The following NCEH1 variants were observed in gnomAD, a reference collection of about 807,000 sequenced individuals.
NCEH1 encodes the protein 2-acetyl MAGE hydrolase.
Under a neutral mutation model 25.4 loss-of-function variants are expected in NCEH1, and 9 were observed. That is an observed-to-expected ratio of 0.35 (90% confidence interval 0.21 to 0.62). The LOEUF (loss-of-function observed/expected upper bound fraction) is 0.62, where lower values mean the gene tolerates loss of function less well. NCEH1 is among the 20% of genes least tolerant of loss of function. The probability of loss-of-function intolerance (pLI) is 0.72; values close to 1 mark genes in which losing one functional copy is unlikely to be tolerated. For synonymous variants in NCEH1, 200 were observed against 199.8 expected (o/e 1.00, Z -0.01); for missense variants, 412 against 501.1 (o/e 0.82, Z 1.70).
intron 1 of NCEH1, among the ~76,000 whole-genome samples, chr3:172,709,835 A>G (rs1240012672): frequency 1.3e-5 from 2 of 152,172 alleles, no homozygotes; most frequent in African/African-American, 2.4e-5. Flanking sequence ...TTATAAAAAT[A>G]TTCTGAGATT....
chr3:172,667,394 G>A lies in NCEH1; in HGVS notation c.139-19280C>T, dbSNP rs117823201. Among the ~76,000 whole-genome samples, 376 of 152,334 alleles carry A rather than the reference G, an allele frequency of 2.5e-3. 4 individuals carry two copies. In the East Asian group the frequency reaches 0.039, roughly 16 times the overall value. On this transcript the variant is annotated intron_variant, in intron 1 of 4. Coordinates refer to ENST00000475381, the MANE Select transcript of NCEH1 (RefSeq NM_020792.6). ...CATTAAAGGAGCCTTGCTCAAAGAC[G>A]ACACAGTCTCTCTGGAGATACGTTT... is the stretch of plus-strand genomic sequence containing the variant.
intron 1 of NCEH1, among the ~76,000 whole-genome samples, chr3:172,670,365 A>C (rs1711539372): frequency 6.6e-6 from 1 of 152,264 alleles, no homozygotes; most frequent in South Asian, 2.1e-4. Flanking sequence ...AAGTTACTAC[A>C]GCGTTTATAC....
At chr3:172,666,412 C>T (rs1718210903) in intron 1 of NCEH1, among the ~76,000 whole-genome samples, 2 of 152,138 alleles carry the variant, frequency 1.3e-5, no homozygotes, top group South Asian at 4.1e-4. Flanking sequence ...CCAGACACTG[C>T]CCCCTGCAGC....
intron 1 of NCEH1, among the ~76,000 whole-genome samples, chr3:172,691,905 C>T: frequency 1.3e-4 from 1 of 7,716 alleles, no homozygotes. Context: ...CGAGATCGTG[C>T]CACTGCACTC....
At chr3:172,642,145 C>T (rs927223667) in intron 3 of NCEH1, among the ~76,000 whole-genome samples, 3 of 151,942 alleles carry the variant, frequency 2.0e-5, no homozygotes, top group Middle Eastern at 3.2e-3. Context: ...ACTGAGATCC[C>T]GCTCTGAACT....
chr3:172,685,447 C>A (rs1291440253), intron 1 of NCEH1, among the ~76,000 whole-genome samples: 1 of 152,144 alleles, frequency 6.6e-6, no homozygotes, highest in Admixed American at 6.5e-5. Flanking sequence ...CAAATGAAGT[C>A]GTATAATTTT....
intron 1 of NCEH1, among the ~76,000 whole-genome samples, chr3:172,703,605 C>T (rs1713823593): frequency 6.8e-6 from 1 of 147,164 alleles, no homozygotes; most frequent in African/African-American, 2.5e-5. Flanking sequence ...ATAAAAAGAA[C>T]ATTTAAGAAT....
At chr3:172,654,157 T>C (rs1034299259) in intron 1 of NCEH1, among the ~76,000 whole-genome samples, 2 of 152,190 alleles carry the variant, frequency 1.3e-5, no homozygotes, top group African/African-American at 4.8e-5. Flanking sequence ...AAAGGAGGCA[T>C]GCGCAGCACA....
At chr3:172,688,054 GCCGTGCACAGTGGC>G (rs1261960993) in intron 1 of NCEH1, among the ~76,000 whole-genome samples, 1 of 149,882 alleles carries the variant, frequency 6.7e-6, no homozygotes, top group Non-Finnish European at 1.5e-5. Flanking sequence ...GGACATGGAG[GCCGTGCACAGTGGC>G]TCACGCCTGT....
intron 1 of NCEH1, among the ~76,000 whole-genome samples, chr3:172,683,690 A>G (rs749447207): frequency 6.6e-6 from 1 of 152,174 alleles, no homozygotes; most frequent in African/African-American, 2.4e-5. Context: ...AAAACAAAAT[A>G]AAGTAGTTAA....
chr3:172,662,397 G>C (rs537919021), intron 1 of NCEH1, among the ~76,000 whole-genome samples: 2 of 152,142 alleles, frequency 1.3e-5, no homozygotes, highest in African/African-American at 4.8e-5. Flanking sequence ...TTTTTGCATC[G>C]ATGTTCATCA....
At chr3:172,679,103 A>G (rs1712196168) in intron 1 of NCEH1, among the ~76,000 whole-genome samples, 1 of 152,222 alleles carries the variant, frequency 6.6e-6, no homozygotes, top group Admixed American at 6.5e-5. Flanking sequence ...ACTTTTAAAA[A>G]GAGGCACAGG....
chr3:172,658,875 CA>C (rs1437001180), intron 1 of NCEH1, among the ~76,000 whole-genome samples: 1 of 101,978 alleles, frequency 9.8e-6, no homozygotes, highest in East Asian at 3.4e-4. Flanking sequence ...TTTTTACTAT[CA>C]ACACAGAAAA....
chr3:172,668,041 C>T (rs1026937273), intron 1 of NCEH1, among the ~76,000 whole-genome samples: 2 of 152,196 alleles, frequency 1.3e-5, no homozygotes, highest in African/African-American at 4.8e-5. Flanking sequence ...GGCCAATTTT[C>T]TAACAACCAT....
intron 1 of NCEH1, among the ~76,000 whole-genome samples, chr3:172,661,074 C>G (rs1717950729): frequency 1.3e-5 from 2 of 152,126 alleles, no homozygotes; most frequent in South Asian, 4.1e-4. Flanking sequence ...ATGGTATTGC[C>G]TAGGTTTTCT....
At chr3:172,656,677 A>C (rs1717711949) in intron 1 of NCEH1, among the ~76,000 whole-genome samples, 1 of 152,096 alleles carries the variant, frequency 6.6e-6, no homozygotes, top group Non-Finnish European at 1.5e-5. Context: ...GACGCAGGAG[A>C]ATTGCTTGAC....
intron 1 of NCEH1, among the ~76,000 whole-genome samples, chr3:172,661,155 A>G (rs1717954096): frequency 6.6e-6 from 1 of 152,096 alleles, no homozygotes; most frequent in South Asian, 2.1e-4. Flanking sequence ...TTTGTATAAC[A>G]TGTAAGGAAG....
At chr3:172,650,048 C>A (rs1717321691) in intron 1 of NCEH1, among the ~76,000 whole-genome samples, 1 of 152,220 alleles carries the variant, frequency 6.6e-6, no homozygotes, top group African/African-American at 2.4e-5. Flanking sequence ...GTAATGCATG[C>A]TCTGAGTACA....
intron 1 of NCEH1, among the ~76,000 whole-genome samples, chr3:172,650,037 T>C (rs1035940660): frequency 6.6e-6 from 1 of 152,268 alleles, no homozygotes; most frequent in Non-Finnish European, 1.5e-5. Context: ...GTTTCCTTTA[T>C]GTAATGCATG....
Sources: allele counts gnomAD v4.1 joint callset (sites outside exome capture counted in the v4.1 genomes callset), GRCh38; gene constraint gnomAD v4.1.1; transcripts MANE v1.5; gene names NCBI Gene and HGNC (gene_info 2026-07-23, HGNC 2026-07-21).